ACAN: variants seen among roughly 807,000 people sequenced by gnomAD.
The protein encoded by ACAN is aggrecan core protein.
In ACAN, 47 loss-of-function variants were observed where a neutral mutation model predicts 169.1. That is an observed-to-expected ratio of 0.28 (90% CI 0.22 to 0.35). The LOEUF (loss-of-function observed/expected upper bound fraction) is 0.35. Among genes scored for constraint, ACAN ranks in the 10% least tolerant of loss-of-function variants. The probability of loss-of-function intolerance (pLI) is 1.00; values close to 1 mark genes in which losing one functional copy is unlikely to be tolerated. For synonymous variants in ACAN, 1,115 were observed against 1,112.2 expected, an observed-to-expected ratio of 1.00 and a Z score of -0.05; for missense variants, 2,716 against 2,759.9, an observed-to-expected ratio of 0.98 and a Z score of 0.36.
In ACAN at chr15:88,839,712, T is replaced by G. The variant is rs1051112621; in HGVS notation, c.455-300T>G. ...TTAATGCAATATGGGGGTCTTGGAG[T>G]GATAAGAAAAAATTATAAGGAGGCA... On this transcript the variant is annotated intron_variant, in intron 3 of 18. Coordinates refer to ENST00000560601, the MANE Select transcript of ACAN (RefSeq NM_001369268.1). This position sits in a 1 kb window ranked among gnomAD's most constrained non-coding sequence, Gnocchi z 4.5. Among the ~76,000 whole-genome samples the G allele has an allele frequency of 6.6e-6, 1 of 152,016 alleles. No individual in the cohort carries two copies.
chr15:88,819,997 T>C (rs1596117051), intron 1 of ACAN, among the ~76,000 whole-genome samples: 3 of 152,156 alleles, frequency 2.0e-5, no homozygotes, highest in East Asian at 3.9e-4. Flanking sequence ...GATAAGTTAT[T>C]TACCCCCTCT....
intron 1 of ACAN, among the ~76,000 whole-genome samples, chr15:88,831,075 C>T (rs1162373256): frequency 6.6e-6 from 1 of 152,218 alleles, no homozygotes; most frequent in African/African-American, 2.4e-5. Context: ...AGTCTCACCT[C>T]GTTGATAGTG....
intron 1 of ACAN, among the ~76,000 whole-genome samples, chr15:88,809,590 G>C (rs539489471): frequency 6.6e-6 from 1 of 152,346 alleles, no homozygotes; most frequent in Admixed American, 6.5e-5. Context: ...TTGACAAAGA[G>C]AGCACCAAGA....
rs760843861 is a variant in ACAN, at chr15:88,859,231, A to G, written c.6646A>G (p.Ser2216Gly). The G allele has an allele frequency of 3.7e-6, 6 of 1,613,788 alleles. No homozygotes were observed. Among genetic ancestry groups the G allele is most frequent in the African/African-American group, 1.3e-5 (1 of 74,896 alleles). Residue 2216 changes from serine (S) to glycine (G), a missense_variant, in exon 12 of 19, where the codon AGC (serine) becomes GGC (glycine). By Grantham distance (56) the Ser-to-Gly change is moderately conservative. Coordinates refer to ENST00000560601, the MANE Select transcript of ACAN (RefSeq NM_001369268.1). ...GCAGCTGGGCGTTGTCATCAGCACC[A>G]GCATCCCAGAGTCTGAGTGGACCCA... ...TSQLGVVIST[S>G]IPESEWTQQT...
intron 5 of ACAN, among the ~76,000 whole-genome samples, chr15:88,842,200 G>A (rs1226370864): frequency 6.6e-6 from 1 of 152,112 alleles, no homozygotes; most frequent in Non-Finnish European, 1.5e-5. Context: ...CCTGTTCTAA[G>A]GTCCACCATG....
rs942083711 is a variant in ACAN, at chr15:88,872,273, A to G, written c.7302+188A>G. On this transcript the variant is annotated intron_variant, in intron 16 of 18. Coordinates refer to ENST00000560601, the MANE Select transcript of ACAN (RefSeq NM_001369268.1). This position sits in a 1 kb window ranked among gnomAD's most constrained non-coding sequence, Gnocchi z 5.4. Reference sequence around the variant, plus strand: ...ACCCAGCCCGGGGCTGGACAGATTGAGCTAATGATGGCAAGAGGCAAGGAG... The same window carrying G: ...ACCCAGCCCGGGGCTGGACAGATTGGGCTAATGATGGCAAGAGGCAAGGAG... 3.3e-5 allele frequency among the ~76,000 whole-genome samples: 5 copies of G among 152,192 alleles called. No individual in the cohort carries two copies. The highest frequency in any genetic ancestry group is 2.6e-4 in the Admixed American group (4 of 15,278).
rs1896873601 is a variant in ACAN, at chr15:88,849,367, C to T, written c.1733-71C>T. The T allele has an allele frequency of 7.0e-6, 10 of 1,421,656 alleles. No individual in the cohort carries two copies. In the Admixed American group the frequency reaches 7.3e-5, roughly 10 times the overall value. The allele number at this position is 1,421,656 out of a possible 1,614,324, so 88.1% of individuals were successfully genotyped here. On this transcript the variant is annotated intron_variant, in intron 9 of 18. Transcript: ENST00000560601. This position sits in a 1 kb window ranked among gnomAD's most constrained non-coding sequence, Gnocchi z 5.1. ...GTGAGGAGGGTTAGAGGAACTCTGT[C>T]CTGGGTGGGCAGGGATGGACCTGGC... is the stretch of plus-strand genomic sequence containing the variant.
Position 88,856,923 on chromosome 15 carries a change from G to T in ACAN, c.4338G>T (p.Glu1446Asp), listed in dbSNP as rs781478525. The change falls in exon 12 of 19, where the codon GAG (glutamate) becomes GAT (aspartate). Residue 1446 changes from glutamate (E) to aspartate (D), a missense_variant. Physicochemically the swap from Glu to Asp is conservative, Grantham distance 45. Coordinates refer to ENST00000560601, the MANE Select transcript of ACAN (RefSeq NM_001369268.1). ...EVLETTAPGV[E>D]EISGLPSGEV... ...TAGAGACTACTGCCCCTGGAGTAGAGGAGATCAGCGGGCTTCCTTCTGGAG... is the reference window on the plus strand; with the variant it reads ...TAGAGACTACTGCCCCTGGAGTAGATGAGATCAGCGGGCTTCCTTCTGGAG... 2.9e-5 allele frequency: 47 copies of T among 1,605,890 alleles called. No individual in the cohort carries two copies. The Admixed American group carries it at 5.2e-4, about 18-fold the overall frequency.
At chr15:88,806,236 C>T (rs927601884) in intron 1 of ACAN, among the ~76,000 whole-genome samples, 1 of 152,222 alleles carries the variant, frequency 6.6e-6, no homozygotes, top group Non-Finnish European at 1.5e-5. Flanking sequence ...ACTTTAATTC[C>T]TCTCCTCTAA....
chr15:88,865,680 T>C (rs1897268567), intron 13 of ACAN, among the ~76,000 whole-genome samples: 1 of 152,050 alleles, frequency 6.6e-6, no homozygotes, highest in Non-Finnish European at 1.5e-5. Flanking sequence ...GCAAGCTCCT[T>C]ATCCAGGATC....
Position 88,868,356 on chromosome 15 carries a change from G to A in ACAN, c.7060+27G>A, listed in dbSNP as rs958668717. 2 of 700,950 alleles carry A rather than the reference G, an allele frequency of 2.9e-6. No homozygotes were observed. The highest frequency in any genetic ancestry group is 3.5e-5 in the African/African-American group (2 of 57,220). The allele number at this position is 700,950 out of a possible 1,614,324, so 43.4% of individuals were successfully genotyped here. On this transcript the variant is annotated intron_variant, in intron 14 of 18. Transcript: ENST00000560601. This position sits in a 1 kb window ranked among gnomAD's most constrained non-coding sequence, Gnocchi z 5.2. ...TACGGCCGTCTTGGCTTCAGCTAATGTTACTAACTGCTGCACCCCCTCCTC... is the reference window on the plus strand; with the variant it reads ...TACGGCCGTCTTGGCTTCAGCTAATATTACTAACTGCTGCACCCCCTCCTC...
intron 1 of ACAN, among the ~76,000 whole-genome samples, chr15:88,810,356 G>GA (rs1895790563): frequency 6.6e-6 from 1 of 151,238 alleles, no homozygotes; most frequent in South Asian, 2.1e-4. Flanking sequence ...AATTTTGGGG[G>GA]GAAAAAAAAA....
At chr15:88,864,690 TC>T (rs767969414) in intron 13 of ACAN, among the ~76,000 whole-genome samples, 2 of 152,266 alleles carry the variant, frequency 1.3e-5, no homozygotes, top group African/African-American at 2.4e-5. Flanking sequence ...GGTCTGTTCA[TC>T]TTCATTGATC....
Position 88,838,508 on chromosome 15 carries a change from C to T in ACAN, c.71-155C>T, listed in dbSNP as rs182798689. On this transcript the variant is annotated intron_variant, in intron 2 of 18. Transcript: ENST00000560601. The surrounding 1 kb of genome is among the most constrained non-coding windows in gnomAD (Gnocchi z 5.1). ...CGTGGCAAGCCTTTCTGGGAATTCC[C>T]ACATGACACGGGAGCATCCCCATCA... Among the ~76,000 whole-genome samples the T allele has an allele frequency of 7.6e-4, 116 of 152,270 alleles. No individual in the cohort carries two copies. The highest frequency in any genetic ancestry group is 1.3e-3 in the Non-Finnish European group (86 of 68,022).
chr15:88,871,074 G>T lies in ACAN; in HGVS notation c.7061-308G>T, dbSNP rs536091209. Among the ~76,000 whole-genome samples the T allele has an allele frequency of 1.1e-4, 17 of 152,170 alleles. No individual in the cohort carries two copies. Among genetic ancestry groups the T allele is most frequent in the Non-Finnish European group, 2.1e-4 (14 of 68,042 alleles). On this transcript the variant is annotated intron_variant, in intron 14 of 18. Coordinates refer to ENST00000560601, the MANE Select transcript of ACAN (RefSeq NM_001369268.1). The surrounding 1 kb of genome is among the most constrained non-coding windows in gnomAD (Gnocchi z 7.8). Reference sequence around the variant, plus strand: ...CTTCCCACCTCTTTTGAACTGGACTGCTGACCTCTGCCGGCCCAGCAGAGC... The same window carrying T: ...CTTCCCACCTCTTTTGAACTGGACTTCTGACCTCTGCCGGCCCAGCAGAGC...
chr15:88,843,739 T>A lies in ACAN; in HGVS notation c.1051+91T>A. The A allele has an allele frequency of 6.7e-7, 1 of 1,484,580 alleles. No homozygotes were observed. The highest frequency in any genetic ancestry group is 1.4e-5 in the South Asian group (1 of 72,440). 92.0% of individuals were successfully genotyped at this position (1,484,580 alleles called of 1,614,324 possible). A position where few individuals can be genotyped will look rare whatever the true frequency, so the allele number is the denominator to read the frequency against. On this transcript the variant is annotated intron_variant, in intron 6 of 18. Transcript: ENST00000560601. This position sits in a 1 kb window ranked among gnomAD's most constrained non-coding sequence, Gnocchi z 4.0. ...GGATCTTGGAAAGGGAGGGTTGGTT[T>A]TTGCCCTTGAAGGGGCCACGGGGTA...
chr15:88,858,699 T>A lies in ACAN; in HGVS notation c.6114T>A (p.Thr2038=). 1.2e-6 allele frequency: 2 copies of A among 1,613,912 alleles called. No individual in the cohort carries two copies. Among genetic ancestry groups the A allele is most frequent in the Non-Finnish European group, 1.7e-6 (2 of 1,179,886 alleles). The change falls in exon 12 of 19, where the codon ACT becomes ACA. Residue 2038 remains threonine, a synonymous_variant. Transcript: ENST00000560601. The surrounding 1 kb of genome is among the most constrained non-coding windows in gnomAD (Gnocchi z 4.0). ...GACTTCCAGAAGTTACTTTAATCACTTCTGAGTTCGTGGAGGGTGTTACTG... is the reference window on the plus strand; with the variant it reads ...GACTTCCAGAAGTTACTTTAATCACATCTGAGTTCGTGGAGGGTGTTACTG... The part of the protein sequence containing the change: ...ASGLPEVTLI[T]SEFVEGVTEP...
At chr15:88,805,237 C>T (rs1895648194) in intron 1 of ACAN, among the ~76,000 whole-genome samples, 1 of 152,000 alleles carries the variant, frequency 6.6e-6, no homozygotes, top group Admixed American at 6.5e-5. Flanking sequence ...TATGAAGATA[C>T]GGTTTAGGAG....
chr15:88,849,647 C>T lies in ACAN; in HGVS notation c.1942C>T (p.Pro648Ser). 1 of 1,613,504 alleles carries T rather than the reference C, an allele frequency of 6.2e-7. No homozygotes were observed. The highest frequency in any genetic ancestry group is 8.5e-7 in the Non-Finnish European group (1 of 1,179,796). The change falls in exon 10 of 19, where the codon CCA (proline) becomes TCA (serine). Residue 648 changes from proline (P) to serine (S), a missense_variant. Around this residue, in one of 3 missense-constraint regions of ACAN, gnomAD observed 1,283 missense variants for 1,281.5 expected, o/e 1.00. Coordinates refer to ENST00000560601, the MANE Select transcript of ACAN (RefSeq NM_001369268.1). This position sits in a 1 kb window ranked among gnomAD's most constrained non-coding sequence, Gnocchi z 5.1. Reference sequence around the variant, plus strand: ...AAGGCCTGCCTGCGGTGGGGACAAGCCAGGCGTGAGAACGGTCTACCTCTA... The same window carrying T: ...AAGGCCTGCCTGCGGTGGGGACAAGTCAGGCGTGAGAACGGTCTACCTCTA... ...TPRPACGGDKPGVRTVYLYPN... is the reference protein window; with the variant it reads ...TPRPACGGDKSGVRTVYLYPN...
Sources: gnomAD v4.1 joint callset for allele counts (sites outside exome capture counted in the v4.1 genomes callset) on GRCh38, gnomAD v4.1.1 for gene constraint, gnomAD v4.1.1 regional missense constraint, Gnocchi (gnomAD v3.1) non-coding constraint, MANE v1.5 for transcripts, NCBI Gene and HGNC (gene_info 2026-07-23, HGNC 2026-07-21) for gene names.